The following CMSS1 variants were observed in gnomAD, a reference collection of about 807,000 sequenced individuals.
CMSS1 encodes cms1 ribosomal small subunit homolog.
A neutral mutation model predicts 43.5 loss-of-function variants in CMSS1; 33 were observed. The observed-to-expected ratio is 0.76, with a 90% CI of 0.57 to 1.01. The LOEUF (loss-of-function observed/expected upper bound fraction) is 1.01. Ranked by LOEUF, CMSS1 falls within the 50% of genes least tolerant of loss-of-function variation. The pLI, the probability that CMSS1 is intolerant of heterozygous loss-of-function variation, is 0.00. For synonymous variants in CMSS1, 115 were observed against 117.2 expected (o/e 0.98, Z 0.12); for missense variants, 313 against 326.4 (o/e 0.96, Z 0.32).
intron 8 of CMSS1, among the ~76,000 whole-genome samples, chr3:100,174,189 A>G (rs992679472): frequency 1.1e-4 from 16 of 152,176 alleles, no homozygotes; most frequent in Non-Finnish European, 2.1e-4. Flanking sequence ...TAAGGAACAG[A>G]TGAGAGGCAC....
chr3:100,134,408 T>A (rs181823821), intron 1 of CMSS1, among the ~76,000 whole-genome samples: 14 of 152,298 alleles, frequency 9.2e-5, no homozygotes, highest in Non-Finnish European at 1.8e-4. Context: ...AAATTTAGGC[T>A]TTCTTCTGTC....
chr3:99,882,726 C>A (rs1705769069), intron 1 of CMSS1, among the ~76,000 whole-genome samples: 1 of 152,168 alleles, frequency 6.6e-6, no homozygotes, highest in Non-Finnish European at 1.5e-5. Flanking sequence ...ATGGCACAAA[C>A]AGTGTGATTA....
At chr3:99,939,247 A>G (rs1247703949) in intron 1 of CMSS1, among the ~76,000 whole-genome samples, 1 of 152,170 alleles carries the variant, frequency 6.6e-6, no homozygotes, top group African/African-American at 2.4e-5. Context: ...CACTTGTTAT[A>G]TGCCTGTGAG....
At chr3:100,124,085 G>A (rs1026235962) in intron 1 of CMSS1, among the ~76,000 whole-genome samples, 3 of 152,110 alleles carry the variant, frequency 2.0e-5, no homozygotes, top group Admixed American at 1.3e-4. Flanking sequence ...ATACAGTTCA[G>A]AGCTGAAAAA....
intron 1 of CMSS1, among the ~76,000 whole-genome samples, chr3:100,083,377 T>C (rs1366801193): frequency 6.6e-6 from 1 of 152,222 alleles, no homozygotes; most frequent in Non-Finnish European, 1.5e-5. Context: ...ACCTGGGAAC[T>C]TGCAAGACAT....
Position 100,147,039 on chromosome 3 carries a change from T to C in CMSS1, c.131T>C (p.Val44Ala). 6.2e-7 allele frequency: 1 copy of C among 1,613,934 alleles called. No homozygotes were observed. Among genetic ancestry groups the C allele is most frequent in the Non-Finnish European group, 8.5e-7 (1 of 1,179,872 alleles). The change falls in exon 2 of 10, where the codon GTA becomes GCA. Residue 44 changes from valine (V) to alanine (A), a missense_variant. Coordinates refer to ENST00000421999, the MANE Select transcript of CMSS1 (RefSeq NM_032359.4). ...VMQQETVPVP[V>A]PSEKTKQPKE... is the part of the protein sequence containing the mutation. ...CAGCAGGAGACAGTTCCAGTTCCTG[T>C]ACCTTCAGAGAAAACCAAACAGGTG...
intron 1 of CMSS1, among the ~76,000 whole-genome samples, chr3:100,036,410 A>G (rs1226757293): frequency 6.6e-6 from 1 of 152,240 alleles, no homozygotes; most frequent in Non-Finnish European, 1.5e-5. Flanking sequence ...AGTTGGCTTG[A>G]AAGGACTGCC....
At chr3:99,818,374 A>G (rs1942364052) in intron 1 of CMSS1, among the ~76,000 whole-genome samples, 1 of 152,186 alleles carries the variant, frequency 6.6e-6, no homozygotes, top group Admixed American at 6.5e-5. Context: ...ACTGCTTTCA[A>G]TTCAGACTGA....
At chr3:99,960,909 CAA>C (rs968442142) in intron 1 of CMSS1, among the ~76,000 whole-genome samples, 9 of 152,102 alleles carry the variant, frequency 5.9e-5, no homozygotes, top group African/African-American at 2.2e-4. Flanking sequence ...GGCAGACCAA[CAA>C]AGTGAAATGT....
chr3:100,140,619 T>G (rs924188893), intron 1 of CMSS1, among the ~76,000 whole-genome samples: 1 of 152,148 alleles, frequency 6.6e-6, no homozygotes, highest in African/African-American at 2.4e-5. Flanking sequence ...CCCTAAGCAC[T>G]GGGATTATAG....
chr3:100,033,913 CA>C (rs2065063037), intron 1 of CMSS1, among the ~76,000 whole-genome samples: 1 of 152,066 alleles, frequency 6.6e-6, no homozygotes, highest in African/African-American at 2.4e-5. Flanking sequence ...TGAGCAGTAC[CA>C]AAATCCAGTT....
At chr3:100,154,449 T>C (rs1283962008) in intron 2 of CMSS1, among the ~76,000 whole-genome samples, 2 of 152,148 alleles carry the variant, frequency 1.3e-5, no homozygotes, top group African/African-American at 2.4e-5. Flanking sequence ...CCACTATCAG[T>C]GTGTGAGAGT....
intron 1 of CMSS1, among the ~76,000 whole-genome samples, chr3:99,954,718 C>T (rs901324698): frequency 2.6e-5 from 4 of 151,908 alleles, no homozygotes; most frequent in African/African-American, 9.7e-5. Context: ...CCCAGCTACT[C>T]AGGAGGCTGA....
At chr3:100,143,354 C>T (rs938118799) in intron 1 of CMSS1, among the ~76,000 whole-genome samples, 1 of 152,212 alleles carries the variant, frequency 6.6e-6, no homozygotes, top group Admixed American at 6.5e-5. Flanking sequence ...TGTTCCCAGT[C>T]AGGAGCAAAG....
chr3:99,921,408 C>T (rs1398901240), intron 1 of CMSS1, among the ~76,000 whole-genome samples: 1 of 152,086 alleles, frequency 6.6e-6, no homozygotes, highest in Non-Finnish European at 1.5e-5. Flanking sequence ...CCTGCAGTCT[C>T]CCAGCAGAAG....
intron 1 of CMSS1, among the ~76,000 whole-genome samples, chr3:100,100,325 A>G (rs2066283300): frequency 6.6e-6 from 1 of 152,148 alleles, no homozygotes; most frequent in African/African-American, 2.4e-5. Flanking sequence ...AAAAATAGCA[A>G]TATTTGTCAT....
intron 1 of CMSS1, among the ~76,000 whole-genome samples, chr3:99,959,082 T>C (rs1446187479): frequency 1.3e-5 from 2 of 152,180 alleles, no homozygotes; most frequent in Admixed American, 6.5e-5. Context: ...CACATCAGGA[T>C]ATGATGGTAA....
At chr3:100,124,480 G>A (rs899988099) in intron 1 of CMSS1, among the ~76,000 whole-genome samples, 1 of 152,162 alleles carries the variant, frequency 6.6e-6, no homozygotes, top group African/African-American at 2.4e-5. Flanking sequence ...GAAAGCAAGA[G>A]GCTGAGGAGT....
At chr3:99,959,261 T>C (rs911957342) in intron 1 of CMSS1, among the ~76,000 whole-genome samples, 1 of 152,204 alleles carries the variant, frequency 6.6e-6, no homozygotes, top group Non-Finnish European at 1.5e-5. Flanking sequence ...GTGATTCTCA[T>C]GCCTCAGCCT....
Sources: allele counts gnomAD v4.1 joint callset (sites outside exome capture counted in the v4.1 genomes callset), GRCh38; gene constraint gnomAD v4.1.1; transcripts MANE v1.5; gene names NCBI Gene and HGNC (gene_info 2026-07-23, HGNC 2026-07-21).